PTPRK: variants seen among roughly 807,000 people sequenced by gnomAD.
PTPRK encodes the protein protein tyrosine phosphatase receptor type K, also known as receptor-type tyrosine-protein phosphatase kappa.
In PTPRK, 75 loss-of-function variants were observed where a neutral mutation model predicts 178.0. The observed-to-expected ratio is 0.42, with a 90% CI of 0.35 to 0.51. The LOEUF (loss-of-function observed/expected upper bound fraction) is 0.51. PTPRK is among the 20% of genes least tolerant of loss of function. The pLI, the probability that PTPRK is intolerant of heterozygous loss-of-function variation, is 0.02. For missense variants in PTPRK, 1,441 were observed against 1,797.8 expected (o/e 0.80, Z 3.59); for synonymous variants, 637 against 620.6 (o/e 1.03, Z -0.39).
At chr6:128,278,681 T>G (rs1821178776) in intron 3 of PTPRK, among the ~76,000 whole-genome samples, 1 of 152,218 alleles carries the variant, frequency 6.6e-6, no homozygotes, top group African/African-American at 2.4e-5. Flanking sequence ...AGTCTACTTA[T>G]TATTTAATAT....
chr6:128,291,915 TCAC>T (rs1165474898), intron 3 of PTPRK, among the ~76,000 whole-genome samples: 1 of 152,148 alleles, frequency 6.6e-6, no homozygotes, highest in Non-Finnish European at 1.5e-5. Flanking sequence ...CAAAGTTCTC[TCAC>T]CACAACTTTT....
At chr6:128,491,395 A>C (rs577355553) in intron 1 of PTPRK, among the ~76,000 whole-genome samples, 27 of 152,342 alleles carry the variant, frequency 1.8e-4, no homozygotes, top group African/African-American at 6.5e-4. Context: ...GAGCAAAACC[A>C]ATAGATAGCT....
In PTPRK at chr6:128,235,557, G is replaced by A. The variant is rs753916747; in HGVS notation, c.693+4478C>T. On this transcript the variant is annotated intron_variant, in intron 5 of 29. Coordinates refer to ENST00000368226, the MANE Select transcript of PTPRK (RefSeq NM_002844.4). Reference sequence around the variant, plus strand: ...CAGACATCCTTCCTTATCCAAGGTCGCACTTTGGGCAGTTGCAGTTACCTT... The same window carrying A: ...CAGACATCCTTCCTTATCCAAGGTCACACTTTGGGCAGTTGCAGTTACCTT... 2.5e-4 allele frequency: 129 copies of A among 505,894 alleles called. 3 individuals carry two copies. The highest frequency in any genetic ancestry group is 1.8e-3 in the South Asian group (124 of 67,296). The allele number at this position is 505,894 out of a possible 1,614,324, so 31.3% of individuals were successfully genotyped here.
chr6:128,423,076 C>T (rs1172934230), intron 1 of PTPRK, among the ~76,000 whole-genome samples: 1 of 152,188 alleles, frequency 6.6e-6, no homozygotes, highest in Non-Finnish European at 1.5e-5. Flanking sequence ...GTTAGTAATG[C>T]AACAGCTGCG....
intron 1 of PTPRK, among the ~76,000 whole-genome samples, chr6:128,400,260 G>A (rs979132416): frequency 6.6e-6 from 1 of 152,144 alleles, no homozygotes; most frequent in Non-Finnish European, 1.5e-5. Flanking sequence ...GTTACTCATA[G>A]TGAATATGAG....
At position 128,240,082 on chromosome 6, in the gene PTPRK, A is replaced by G; in HGVS notation, c.646T>C (p.Cys216Arg). 1 of 1,614,156 alleles carries G rather than the reference A, an allele frequency of 6.2e-7. No individual in the cohort carries two copies. Among genetic ancestry groups the G allele is most frequent in the Non-Finnish European group, 8.5e-7 (1 of 1,179,984 alleles). ...ACAGCATCTCTCCCTGTGGCAATGC[A>G]CTGAAATGTAGCGTTTTGCCCTGCA... ...VNAGQNATFQ[C>R]IATGRDAVHN... is the part of the protein sequence containing the mutation. Residue 216 changes from cysteine (C) to arginine (R), a missense_variant, in exon 5 of 30, where the codon TGC (cysteine) becomes CGC (arginine). Cys to Arg is a radical substitution (Grantham distance 180). Transcript: ENST00000368226.
intron 7 of PTPRK, among the ~76,000 whole-genome samples, chr6:128,152,937 G>C (rs1797482253): frequency 6.6e-6 from 1 of 151,912 alleles, no homozygotes; most frequent in Non-Finnish European, 1.5e-5. Flanking sequence ...CTGCCTGGAA[G>C]GGTCTGGAAC....
At chr6:128,259,978 C>T (rs1817931875) in intron 3 of PTPRK, among the ~76,000 whole-genome samples, 1 of 151,924 alleles carries the variant, frequency 6.6e-6, no homozygotes, top group Non-Finnish European at 1.5e-5. Context: ...CTATATAGAC[C>T]CAATTAACAG....
chr6:128,479,144 C>T (rs866126711), intron 1 of PTPRK, among the ~76,000 whole-genome samples: 5 of 152,082 alleles, frequency 3.3e-5, no homozygotes, highest in African/African-American at 9.7e-5. Flanking sequence ...GAAAACTTGT[C>T]CTGCCACAAA....
intron 2 of PTPRK, among the ~76,000 whole-genome samples, chr6:128,356,243 T>A (rs1200930220): frequency 6.6e-6 from 1 of 152,108 alleles, no homozygotes; most frequent in East Asian, 1.9e-4. Flanking sequence ...TAGAATCTCC[T>A]CCATTTTAAC....
At chr6:128,201,558 A>G (rs6938118) in intron 6 of PTPRK, among the ~76,000 whole-genome samples, 15,605 of 152,064 alleles carry the variant, frequency 0.1, 1,545 homozygotes, top group East Asian at 0.35. Flanking sequence ...TTGAGAATCT[A>G]CTATAAAATG....
At chr6:128,079,007 A>G (rs980444365) in intron 10 of PTPRK, 89 bp from the exon 11 acceptor site, 38 of 757,290 alleles carry the variant, frequency 5.0e-5, no homozygotes, top group East Asian at 1.3e-4. Context: ...TTAAGTTAGG[A>G]AAAAAAAATT....
chr6:128,189,622 T>A (rs141247351), intron 6 of PTPRK, among the ~76,000 whole-genome samples: 128 of 152,296 alleles, frequency 8.4e-4, no homozygotes, highest in Non-Finnish European at 1.5e-3. Context: ...ACTGCTCTAT[T>A]AACACATTCA....
At chr6:128,189,997 A>G (rs1803481614) in intron 6 of PTPRK, among the ~76,000 whole-genome samples, 1 of 152,226 alleles carries the variant, frequency 6.6e-6, no homozygotes, top group Non-Finnish European at 1.5e-5. Flanking sequence ...TGAGCATTTC[A>G]AGAAACTTAA....
chr6:128,497,415 T>C (rs866787472), intron 1 of PTPRK, among the ~76,000 whole-genome samples: 46 of 152,168 alleles, frequency 3.0e-4, no homozygotes, highest in African/African-American at 1.1e-3. Context: ...TTTGAGACCA[T>C]CCTGGGCAAC....
intron 7 of PTPRK, among the ~76,000 whole-genome samples, chr6:128,130,069 G>T (rs934429671): frequency 1.3e-5 from 2 of 152,076 alleles, no homozygotes; most frequent in African/African-American, 2.4e-5. Context: ...TTATGATATG[G>T]TATATTTTCT....
At chr6:128,025,590 A>G (rs1434650295) in intron 13 of PTPRK, among the ~76,000 whole-genome samples, 1 of 152,234 alleles carries the variant, frequency 6.6e-6, no homozygotes, top group Non-Finnish European at 1.5e-5. Flanking sequence ...TGATGGCTAA[A>G]AACCACACAT....
chr6:128,429,514 C>T (rs992292686), intron 1 of PTPRK, among the ~76,000 whole-genome samples: 20 of 152,182 alleles, frequency 1.3e-4, no homozygotes, highest in Non-Finnish European at 2.9e-5. Flanking sequence ...TTCCTCATCC[C>T]GTCCTACTAA....
At chr6:128,234,030 A>T (rs1812779305) in intron 5 of PTPRK, among the ~76,000 whole-genome samples, 1 of 152,238 alleles carries the variant, frequency 6.6e-6, no homozygotes, top group Admixed American at 6.5e-5. Context: ...TTTACCCTGT[A>T]GGTGTCCACT....
Sources: allele counts gnomAD v4.1 joint callset (sites outside exome capture counted in the v4.1 genomes callset), GRCh38; gene constraint gnomAD v4.1.1; transcripts MANE v1.5; gene names NCBI Gene and HGNC (gene_info 2026-07-23, HGNC 2026-07-21).